The following SAGE1 variants were observed in gnomAD, a reference collection of about 807,000 sequenced individuals.
The protein encoded by SAGE1 is cancer/testis antigen 14.
A neutral mutation model predicts 55.4 loss-of-function variants in SAGE1; 55 were observed. That is an observed-to-expected ratio of 0.99 (90% CI 0.80 to 1.24). SAGE1 has a LOEUF of 1.24. Ranked by LOEUF, SAGE1 falls within the 50% of genes most tolerant of loss-of-function variation. SAGE1 has a pLI of 0.00. For missense variants in SAGE1, 710 were observed against 704.4 expected (o/e 1.01, Z -0.09); for synonymous variants, 240 against 244.3 (o/e 0.98, Z 0.17).
At chrX:135,910,760 A>G (rs2088884375) in intron 16 of SAGE1, among the ~76,000 whole-genome samples, 1 of 111,821 alleles carries the variant, frequency 8.9e-6, no homozygotes, top group Admixed American at 9.6e-5. Flanking sequence ...TGGGGTTGAC[A>G]TAATGCACTT....
rs144124943 is a variant in SAGE1, at chrX:135,898,893, G to A, written c.87+2564G>A. Among the ~76,000 whole-genome samples the A allele has an allele frequency of 7.5e-3, 836 of 112,072 alleles. 6 individuals are homozygous for A. Among genetic ancestry groups the A allele is most frequent in the African/African-American group, 0.025 (778 of 30,844 alleles). On this transcript the variant is annotated intron_variant, in intron 2 of 19. Transcript: ENST00000370709. ...AGTTTCTTGTAGACTCTGGATAGTA[G>A]ACCTTTGTCAGATGGGCAGATTGCA...
chrX:135,894,383 G>C (rs1556592075), intron 1 of SAGE1, among the ~76,000 whole-genome samples: 1 of 112,825 alleles, frequency 8.9e-6, no homozygotes, highest in Non-Finnish European at 1.9e-5. Context: ...GTTTCTTCTT[G>C]AGTCGGTAAT....
At chrX:135,908,785 T>C (rs5974569) in intron 12 of SAGE1, 79 bp from the exon 13 acceptor site, 279,783 of 1,124,935 alleles carry the variant, frequency 0.25, 25,613 homozygotes, top group Non-Finnish European at 0.27. Flanking sequence ...TTTCTAAAAA[T>C]TCATCATCAG....
chrX:135,907,285 C>T, intron 8 of SAGE1, 28 bp from the exon 9 acceptor site: 2 of 1,194,880 alleles, frequency 1.7e-6, no homozygotes, highest in Non-Finnish European at 2.3e-6. Context: ...CACTTACTCA[C>T]AGCTCAACCT....
rs781899773 is a variant in SAGE1, at chrX:135,906,609, C to T, written c.736+58C>T. Reference sequence around the variant, plus strand: ...TGGTTTCCATATGCATGCATAGTGTCAAAAAGCATACAAGGTGGTTTTGTT... The same window carrying T: ...TGGTTTCCATATGCATGCATAGTGTTAAAAAGCATACAAGGTGGTTTTGTT... On this transcript the variant is annotated intron_variant, in intron 7 of 19. Coordinates refer to ENST00000370709, the MANE Select transcript of SAGE1 (RefSeq NM_001381902.1). 7 of 836,479 alleles carry T rather than the reference C, an allele frequency of 8.4e-6. No homozygotes were observed. In the East Asian group the frequency reaches 2.2e-4, roughly 27 times the overall value. The allele number at this position is 836,479 out of a possible 1,213,427, so 68.9% of individuals were successfully genotyped here.
At chrX:135,895,578 G>A (rs1291492330) in intron 1 of SAGE1, among the ~76,000 whole-genome samples, 1 of 112,280 alleles carries the variant, frequency 8.9e-6, no homozygotes, top group Non-Finnish European at 1.9e-5. Flanking sequence ...GGGAAGAATA[G>A]TGCCAATTTA....
At chrX:135,900,021 T>TA (rs782563516) in intron 2 of SAGE1, among the ~76,000 whole-genome samples, 6 of 111,023 alleles carry the variant, frequency 5.4e-5, no homozygotes, top group Non-Finnish European at 7.5e-5. Flanking sequence ...ACAGAACGTG[T>TA]AATACTATGT....
At chrX:135,895,087 A>G (rs782554260) in intron 1 of SAGE1, among the ~76,000 whole-genome samples, 10 of 111,475 alleles carry the variant, frequency 9.0e-5, no homozygotes, top group Non-Finnish European at 1.9e-4. Flanking sequence ...TAATCCTTAT[A>G]AGAGCACCAT....
chrX:135,911,093 A>G (rs782188687), intron 16 of SAGE1, 99 bp from the exon 17 acceptor site: 2 of 944,626 alleles, frequency 2.1e-6, no homozygotes, highest in Non-Finnish European at 3.0e-6. Context: ...CTCCTGCTGT[A>G]TGGGATAACG....
In SAGE1 at chrX:135,908,465, T is replaced by G. The variant is rs782189990; in HGVS notation, c.1301-12T>G. 2 of 1,195,612 alleles carry G rather than the reference T, an allele frequency of 1.7e-6. No homozygotes were observed. The highest frequency in any genetic ancestry group is 1.7e-5 in the African/African-American group (1 of 57,221). The stretch of plus-strand genomic sequence containing the variant: ...CTTAACTCACAGCTCGACCTCTTTA[T>G]TTGGTTTCTAGATGCTACCGTCAAT... On this transcript the variant is annotated splice_polypyrimidine_tract_variant and intron_variant, in intron 11 of 19. Coordinates refer to ENST00000370709, the MANE Select transcript of SAGE1 (RefSeq NM_001381902.1).
chrX:135,903,345 T>C (rs1556598082), intron 3 of SAGE1, among the ~76,000 whole-genome samples: 2 of 112,613 alleles, frequency 1.8e-5, no homozygotes, highest in Non-Finnish European at 3.8e-5. Context: ...GTGGACTGCT[T>C]TTCCAACACC....
chrX:135,908,629 T>C lies in SAGE1; in HGVS notation c.1441+12T>C. The C allele has an allele frequency of 8.5e-7, 1 of 1,171,821 alleles. No individual in the cohort carries two copies. The highest frequency in any genetic ancestry group is 3.0e-5 in the East Asian group (1 of 33,566). On this transcript the variant is annotated intron_variant, in intron 12 of 19. Coordinates refer to ENST00000370709, the MANE Select transcript of SAGE1 (RefSeq NM_001381902.1). The stretch of plus-strand genomic sequence containing the variant: ...TTCCAGGGATCTGTGTATGTGTGTT[T>C]TTTAGTTATACCATCCTCCTTGATT...
chrX:135,902,356 G>C (rs1216005433), intron 3 of SAGE1, among the ~76,000 whole-genome samples: 14 of 111,845 alleles, frequency 1.3e-4, no homozygotes, highest in African/African-American at 4.2e-4. Flanking sequence ...TCTTTACTGG[G>C]TGTCTAATAG....
Position 135,911,128 on chromosome X carries a change from A to G in SAGE1, c.2006-64A>G, listed in dbSNP as rs1398986931. 2.7e-6 allele frequency: 3 copies of G among 1,124,628 alleles called. No individual in the cohort carries two copies. The African/African-American group carries it at 5.4e-5, about 20-fold the overall frequency. The allele number at this position is 1,124,628 out of a possible 1,213,427, so 92.7% of individuals were successfully genotyped here. On this transcript the variant is annotated intron_variant, in intron 16 of 19. Coordinates refer to ENST00000370709, the MANE Select transcript of SAGE1 (RefSeq NM_001381902.1). ...GTCCTGGAAACTGAGCATCAGCAGG[A>G]TATCCCTGTGGGGTTGTCATTATGC...
In SAGE1 at chrX:135,910,540, A is replaced by G; in HGVS notation, c.1990A>G (p.Ile664Val). The stretch of plus-strand genomic sequence containing the variant: ...GGCAGCAGCTGGAATTTCATCCACG[A>G]TTACCAGGGATCTGTGTATGTCTGC... The part of the protein sequence containing the change: ...HMAAAGISST[I>V]TRDLYVTATH... The change falls in exon 16 of 20, where the codon ATT becomes GTT. Residue 664 changes from isoleucine to valine, a missense_variant. Physicochemically the swap from Ile to Val is conservative, Grantham distance 29. Transcript: ENST00000370709. The G allele has an allele frequency of 1.7e-6, 2 of 1,210,401 alleles. No homozygotes were observed. The highest frequency in any genetic ancestry group is 1.1e-6 in the Non-Finnish European group (1 of 894,433).
At position 135,907,405 on chromosome X, in the gene SAGE1, A is replaced by G; in HGVS notation, c.970A>G (p.Ile324Val). 1 of 1,208,197 alleles carries G rather than the reference A, an allele frequency of 8.3e-7. No individual in the cohort carries two copies. The highest frequency in any genetic ancestry group is 1.1e-6 in the Non-Finnish European group (1 of 892,749). ...NVLSTVQPVIIYLTATGIPGM... is the reference protein window; with the variant it reads ...NVLSTVQPVIVYLTATGIPGM... ...ATTGTCAACTGTTCAACCAGTGATTATTTATTTGACAGCAACTGGTATTCC... is the reference window on the plus strand; with the variant it reads ...ATTGTCAACTGTTCAACCAGTGATTGTTTATTTGACAGCAACTGGTATTCC... Residue 324 changes from isoleucine to valine, a missense_variant, in exon 9 of 20, where the codon ATT (isoleucine) becomes GTT (valine). Ile to Val is a conservative substitution (Grantham distance 29, BLOSUM62 3). Coordinates refer to ENST00000370709, the MANE Select transcript of SAGE1 (RefSeq NM_001381902.1).
At chrX:135,907,594 C>T in intron 9 of SAGE1, 107 bp from the exon 10 acceptor site, 24 of 1,018,257 alleles carry the variant, frequency 2.4e-5, no homozygotes, top group Non-Finnish European at 3.2e-5. Flanking sequence ...GCTGTATCCT[C>T]CTGCTTTATG....
Position 135,896,266 on chromosome X carries a change from G to A in SAGE1, c.24G>A (p.Thr8=), listed in dbSNP as rs5930805. 297,589 of 1,201,637 alleles carry A rather than the reference G, an allele frequency of 0.25. 26,515 individuals carry two copies. Among genetic ancestry groups the A allele is most frequent in the Non-Finnish European group, 0.26 (235,333 of 889,044 alleles). The change falls in exon 2 of 20, where the codon ACG becomes ACA. Residue 8 remains threonine, a synonymous_variant. Coordinates refer to ENST00000370709, the MANE Select transcript of SAGE1 (RefSeq NM_001381902.1). ...AGATGCAGGCTTCTCCACTTCAAAC[G>A]AGTCAACCAACTCCACCTGAAGAAC... MQASPLQ[T]SQPTPPEELH... is the part of the protein sequence containing the mutation.
intron 9 of SAGE1, 84 bp downstream of exon 9, chrX:135,907,537 G>A: frequency 3.9e-6 from 4 of 1,025,105 alleles, no homozygotes; most frequent in Non-Finnish European, 5.4e-6. Context: ...TTGTTTTATT[G>A]GATTCTCTTT....
Sources: gnomAD v4.1 joint callset for allele counts (sites outside exome capture counted in the v4.1 genomes callset) on GRCh38, gnomAD v4.1.1 for gene constraint, MANE v1.5 for transcripts, NCBI Gene and HGNC (gene_info 2026-07-23, HGNC 2026-07-21) for gene names.